HUNK: variants seen among roughly 807,000 people sequenced by gnomAD.
HUNK encodes hormonally up-regulated neu tumor-associated kinase.
HUNK carries 21 observed loss-of-function variants against 61.0 expected under a neutral mutation model. The ratio of observed to expected loss-of-function variants is 0.34; its 90% CI spans 0.24 to 0.50. The LOEUF is 0.50. Ranked by LOEUF, HUNK falls within the 20% of genes least tolerant of loss-of-function variation. HUNK has a pLI of 0.98. For missense variants in HUNK, 772 were observed against 945.7 expected (o/e 0.82, Z 2.41); for synonymous variants, 371 against 386.1 (o/e 0.96, Z 0.46).
At chr21:31,979,512 A>ATTTTTTTTTTTTTTT in intron 7 of HUNK, among the ~76,000 whole-genome samples, 1 of 99,510 alleles carries the variant, frequency 1.0e-5, no homozygotes, top group Non-Finnish European at 2.0e-5. Flanking sequence ...AGTTGTTTGC[A>ATTTTTTTTTTTTTTT]TTCTTTTTTT....
chr21:31,908,875 T>G (rs958501574), intron 1 of HUNK, among the ~76,000 whole-genome samples: 11 of 151,600 alleles, frequency 7.3e-5, no homozygotes, highest in African/African-American at 1.7e-4. Context: ...GTGTTCAGGG[T>G]TTTTTTTGCC....
intron 1 of HUNK, among the ~76,000 whole-genome samples, chr21:31,913,088 C>T (rs2052557269): frequency 6.6e-6 from 1 of 152,124 alleles, no homozygotes; most frequent in African/African-American, 2.4e-5. Context: ...CCCATGAGCC[C>T]AGCACTGTCC....
At chr21:31,897,733 G>C (rs552746859) in intron 1 of HUNK, among the ~76,000 whole-genome samples, 1 of 152,212 alleles carries the variant, frequency 6.6e-6, no homozygotes, top group East Asian at 1.9e-4. Flanking sequence ...TGGAAGCAAA[G>C]AGCAAGAGAC....
intron 7 of HUNK, among the ~76,000 whole-genome samples, chr21:31,979,512 ATTC>A (rs2053077313): frequency 1.0e-5 from 1 of 99,508 alleles, no homozygotes; most frequent in African/African-American, 3.9e-5. Flanking sequence ...AGTTGTTTGC[ATTC>A]TTTTTTTTTT....
chr21:32,000,157 T>A lies in HUNK; in HGVS notation c.*973T>A. ...TCTGTAGAAAGAGGGAAAAGATGAT[T>A]GTGACAATTCAGAGCATAACTCAGA... On this transcript the variant is annotated 3_prime_UTR_variant, in exon 11 of 11. Transcript: ENST00000270112. 1 of 398,816 alleles carries A rather than the reference T, an allele frequency of 2.5e-6. No individual in the cohort carries two copies. Among genetic ancestry groups the A allele is most frequent in the Non-Finnish European group, 4.4e-6 (1 of 226,064 alleles). The allele number at this position is 398,816 out of a possible 1,614,324, so 24.7% of individuals were successfully genotyped here.
intron 5 of HUNK, among the ~76,000 whole-genome samples, chr21:31,964,948 G>A (rs1447067426): frequency 1.3e-5 from 2 of 152,174 alleles, no homozygotes; most frequent in Non-Finnish European, 2.9e-5. Context: ...CAAGTCCTTT[G>A]AGGGTAAGCA....
intron 1 of HUNK, among the ~76,000 whole-genome samples, chr21:31,917,458 A>G (rs560555364): frequency 6.6e-6 from 1 of 152,202 alleles, no homozygotes; most frequent in South Asian, 2.1e-4. Context: ...ATATATTGGA[A>G]CTGTGCTCTT....
intron 2 of HUNK, among the ~76,000 whole-genome samples, chr21:31,932,199 C>T (rs922184084): frequency 3.9e-5 from 6 of 152,238 alleles, no homozygotes; most frequent in Non-Finnish European, 8.8e-5. Context: ...CACACACACA[C>T]TCCTGATTTC....
intron 4 of HUNK, among the ~76,000 whole-genome samples, chr21:31,957,903 C>T (rs946298528): frequency 9.9e-5 from 15 of 152,112 alleles, no homozygotes; most frequent in East Asian, 1.9e-4. Context: ...TAGAGCAAAA[C>T]GCCAGGTTTT....
chr21:31,989,438 G>A (rs1348209675), intron 8 of HUNK, among the ~76,000 whole-genome samples: 1 of 152,158 alleles, frequency 6.6e-6, no homozygotes, highest in Admixed American at 6.5e-5. Context: ...TACTTGGCCG[G>A]GCTCAGTGCT....
At chr21:31,984,044 A>T (rs2053116217) in intron 8 of HUNK, among the ~76,000 whole-genome samples, 2 of 152,210 alleles carry the variant, frequency 1.3e-5, no homozygotes. Context: ...ATCTCATAGA[A>T]GTACAGAGTA....
intron 1 of HUNK, among the ~76,000 whole-genome samples, chr21:31,885,643 C>T (rs1445639106): frequency 3.3e-5 from 5 of 152,176 alleles, no homozygotes; most frequent in African/African-American, 1.2e-4. Flanking sequence ...ATGCCCCTGT[C>T]CTCGGCTTAT....
At position 31,909,781 on chromosome 21, in the gene HUNK, A is replaced by G. The variant is rs534936481; in HGVS notation, c.262-14687A>G. Among the ~76,000 whole-genome samples the G allele has an allele frequency of 2.6e-5, 4 of 152,344 alleles. No individual in the cohort carries two copies. In the South Asian group the frequency reaches 8.3e-4, roughly 32 times the overall value. ...AAAGGCTATTTTCTGCTTTCTGTTA[A>G]ATAAGTATTGTCCACACAGGAGCAC... On this transcript the variant is annotated intron_variant, in intron 1 of 10. Coordinates refer to ENST00000270112, the MANE Select transcript of HUNK (RefSeq NM_014586.2).
chr21:31,971,884 A>G (rs2123851449), intron 6 of HUNK, among the ~76,000 whole-genome samples: 1 of 146,466 alleles, frequency 6.8e-6, no homozygotes, highest in South Asian at 2.2e-4. Flanking sequence ...GCTAGAGTTC[A>G]GTGGCGCAAT....
At chr21:31,990,567 G>T (rs1313458569) in intron 9 of HUNK, among the ~76,000 whole-genome samples, 9 of 137,110 alleles carry the variant, frequency 6.6e-5, no homozygotes, top group Non-Finnish European at 1.3e-4. Flanking sequence ...ATTGAGTCTC[G>T]CTCTGTCGCC....
chr21:31,927,311 G>C (rs1239001716), intron 2 of HUNK, among the ~76,000 whole-genome samples: 1 of 151,966 alleles, frequency 6.6e-6, no homozygotes, highest in Non-Finnish European at 1.5e-5. Context: ...CCAAAGTGCT[G>C]GGATTACAGG....
chr21:31,934,485 T>C (rs945582662), intron 2 of HUNK, among the ~76,000 whole-genome samples: 3 of 151,166 alleles, frequency 2.0e-5, no homozygotes, highest in African/African-American at 7.3e-5. Flanking sequence ...TGAAACCTTA[T>C]GAAGAAATTC....
intron 1 of HUNK, among the ~76,000 whole-genome samples, chr21:31,908,017 G>A (rs1156923783): frequency 1.3e-5 from 2 of 151,968 alleles, no homozygotes; most frequent in African/African-American, 4.8e-5. Context: ...GGTGAGGACA[G>A]TAACTTTTAT....
At chr21:31,986,657 G>T (rs532146681) in intron 8 of HUNK, among the ~76,000 whole-genome samples, 1 of 152,256 alleles carries the variant, frequency 6.6e-6, no homozygotes, top group African/African-American at 2.4e-5. Context: ...CACACACAGC[G>T]CTGCATCCCT....
Sources: gnomAD v4.1 joint callset for allele counts (sites outside exome capture counted in the v4.1 genomes callset) on GRCh38, gnomAD v4.1.1 for gene constraint, MANE v1.5 for transcripts, NCBI Gene and HGNC (gene_info 2026-07-23, HGNC 2026-07-21) for gene names.